The following AGBL5 variants were observed in gnomAD, a reference collection of about 807,000 sequenced individuals.
AGBL5 encodes AGBL carboxypeptidase 5.
AGBL5 carries 51 observed loss-of-function variants against 88.0 expected under a neutral mutation model. The observed-to-expected ratio is 0.58, with a 90% CI of 0.46 to 0.73. AGBL5 has a LOEUF of 0.73. AGBL5 is among the 30% of genes least tolerant of loss of function. The probability of loss-of-function intolerance (pLI) is 0.00; values close to 1 mark genes in which losing one functional copy is unlikely to be tolerated. For synonymous variants in AGBL5, 446 were observed against 438.8 expected, an observed-to-expected ratio of 1.02 and a Z score of -0.21; for missense variants, 1,031 against 1,162.2, an observed-to-expected ratio of 0.89 and a Z score of 1.64.
chr2:27,052,017 C>G (rs1384535205), intron 1 of AGBL5: 1 of 152,608 alleles, frequency 6.6e-6, no homozygotes, highest in African/African-American at 2.4e-5. Context: ...CGTCTCGACC[C>G]CTTCCATGCC....
At position 27,057,376 on chromosome 2, in the gene AGBL5, C is replaced by T. The variant is rs779685578; in HGVS notation, c.1609C>T (p.Arg537Cys). The T allele has an allele frequency of 1.8e-5, 29 of 1,614,004 alleles. No individual in the cohort carries two copies. The highest frequency in any genetic ancestry group is 1.3e-4 in the East Asian group (6 of 44,876). ...SIPAACHDNG[R>C]ASPPPPPAFP... ...CCCTGCTGCCTGCCATGACAATGGG[C>T]GTGCCAGCCCCCCTCCCCCGCCGGC... Residue 537 changes from arginine (R) to cysteine (C), a missense_variant, in exon 9 of 15, where the codon CGT (arginine) becomes TGT (cysteine). This residue lies in a region of AGBL5 where 491 missense variants were observed against 484.0 expected (regional missense o/e 1.01). Transcript: ENST00000360131.
chr2:27,050,766 T>G (rs184685495), upstream of AGBL5, among the ~76,000 whole-genome samples: 5 of 151,982 alleles, frequency 3.3e-5, no homozygotes, highest in African/African-American at 4.8e-5. Flanking sequence ...ATCAGCAGCA[T>G]CTTATCGCAG....
intron 11 of AGBL5, among the ~76,000 whole-genome samples, chr2:27,060,168 A>G (rs531777116): frequency 1.1e-4 from 17 of 152,306 alleles, no homozygotes; most frequent in East Asian, 1.9e-4. Context: ...AAAGAAAGTG[A>G]TATCAGAAGG....
rs1327645099 is a variant in AGBL5 at position 27,053,550 on chromosome 2, A to G, written c.364A>G (p.Ile122Val). Residue 122 changes from isoleucine to valine, a missense_variant, in exon 3 of 15, where the codon ATT (isoleucine) becomes GTT (valine). Physicochemically the swap from Ile to Val is conservative, Grantham distance 29 (BLOSUM62 3). Coordinates refer to ENST00000360131, the MANE Select transcript of AGBL5 (RefSeq NM_021831.6). The surrounding 1 kb of genome is among the most constrained non-coding windows in gnomAD (Gnocchi z 4.9). ...TLPTRPRWER[I>V]RDRPTFEMTE... ...GCCCACCCGGCCACGCTGGGAACGCATTCGAGACCGGCCCACCTTTGAGGT... is the reference window on the plus strand; with the variant it reads ...GCCCACCCGGCCACGCTGGGAACGCGTTCGAGACCGGCCCACCTTTGAGGT... 1 of 1,613,600 alleles carries G rather than the reference A, an allele frequency of 6.2e-7. No homozygotes were observed. Among genetic ancestry groups the G allele is most frequent in the Non-Finnish European group, 8.5e-7 (1 of 1,179,838 alleles).
chr2:27,068,264 G>A (rs1572836560), intron 12 of AGBL5, among the ~76,000 whole-genome samples: 1 of 152,284 alleles, frequency 6.6e-6, no homozygotes, highest in Non-Finnish European at 1.5e-5. Flanking sequence ...TATGATTGCG[G>A]CAGTATAAAC....
In AGBL5 at chr2:27,068,682, G is replaced by A; in HGVS notation, c.2293G>A (p.Val765Ile). The A allele has an allele frequency of 6.2e-7, 1 of 1,614,132 alleles. No individual in the cohort carries two copies. Among genetic ancestry groups the A allele is most frequent in the Non-Finnish European group, 8.5e-7 (1 of 1,180,030 alleles). ...SSGDKPEAVM[V>I]IGKGLLGTGA... is the part of the protein sequence containing the mutation. ...TGGAGACAAACCAGAGGCTGTCATGGTAATCGGGAAAGGTCTGCTAGGGAC... is the reference window on the plus strand; with the variant it reads ...TGGAGACAAACCAGAGGCTGTCATGATAATCGGGAAAGGTCTGCTAGGGAC... Residue 765 changes from valine to isoleucine, a missense_variant, in exon 13 of 15, where the codon GTA (valine) becomes ATA (isoleucine). Physicochemically the swap from Val to Ile is conservative, Grantham distance 29. Coordinates refer to ENST00000360131, the MANE Select transcript of AGBL5 (RefSeq NM_021831.6).
At chr2:27,051,512 G>C (rs1027487179), upstream of AGBL5, 1 of 152,208 alleles carries the variant, frequency 6.6e-6, no homozygotes, top group Non-Finnish European at 1.5e-5. Context: ...AGAACCCTCC[G>C]GCCGCTCCTG....
chr2:27,057,325 A>G lies in AGBL5; in HGVS notation c.1558A>G (p.Asn520Asp), dbSNP rs1668486863. The G allele has an allele frequency of 3.1e-6, 5 of 1,613,700 alleles. No individual in the cohort carries two copies. The highest frequency in any genetic ancestry group is 4.2e-6 in the Non-Finnish European group (5 of 1,179,890). The change falls in exon 9 of 15, where the codon AAC becomes GAC. Residue 520 changes from asparagine (N) to aspartate (D), a missense_variant. Around this residue, in one of 2 missense-constraint regions of AGBL5, gnomAD observed 491 missense variants for 484.0 expected, o/e 1.01. Coordinates refer to ENST00000360131, the MANE Select transcript of AGBL5 (RefSeq NM_021831.6). Reference sequence around the variant, plus strand: ...TAGCTACACACTTGAATGCAACTACAACACTGGACGCTCAGTAAACAGCAT... The same window carrying G: ...TAGCTACACACTTGAATGCAACTACGACACTGGACGCTCAGTAAACAGCAT... Reference protein sequence around the residue: ...IHSYTLECNYNTGRSVNSIPA... With the variant: ...IHSYTLECNYDTGRSVNSIPA...
rs2148268217 is a variant in AGBL5 at position 27,053,221 on chromosome 2, T to A, written c.215+48T>A. 1 of 1,543,476 alleles carries A rather than the reference T, an allele frequency of 6.5e-7. No individual in the cohort carries two copies. Among genetic ancestry groups the A allele is most frequent in the East Asian group, 2.3e-5 (1 of 44,150 alleles). On this transcript the variant is annotated intron_variant, in intron 2 of 14. Transcript: ENST00000360131. The surrounding 1 kb of genome is among the most constrained non-coding windows in gnomAD (Gnocchi z 4.9). The stretch of plus-strand genomic sequence containing the variant: ...TGGAAAAAGGCTCCAAACCCATGCT[T>A]CAGTTAGCCCTCTGACTTATCTGTT...
chr2:27,062,538 C>T (rs1344321367), intron 11 of AGBL5: 2 of 152,136 alleles, frequency 1.3e-5, no homozygotes, highest in Non-Finnish European at 2.9e-5. Context: ...TCTGTTACTT[C>T]CCCCTACCAA....
In AGBL5 at chr2:27,067,475, T is replaced by TA; in HGVS notation, c.2090-19_2090-18insA. 6.2e-7 allele frequency: 1 copy of TA among 1,610,420 alleles called. No individual in the cohort carries two copies. Among genetic ancestry groups the TA allele is most frequent in the Non-Finnish European group, 8.5e-7 (1 of 1,177,536 alleles). On this transcript the variant is annotated intron_variant, in intron 11 of 14. Coordinates refer to ENST00000360131, the MANE Select transcript of AGBL5 (RefSeq NM_021831.6). ...CCCACTTATTTGCCCTTTTATCTGC[T>TA]TGTATCTCTTCCACTCAGAGCCCCG... is the stretch of plus-strand genomic sequence containing the variant.
intron 5 of AGBL5, 123 bp downstream of exon 5, chr2:27,054,930 A>G: frequency 6.7e-7 from 1 of 1,486,594 alleles, no homozygotes; most frequent in South Asian, 1.3e-5. Context: ...GCGTGCGGCA[A>G]GGGTGATGGC....
chr2:27,062,621 A>C (rs779234750), intron 11 of AGBL5: 3 of 152,264 alleles, frequency 2.0e-5, no homozygotes, highest in Non-Finnish European at 4.4e-5. Flanking sequence ...GAAACAGGAC[A>C]GTAAATACAA....
At chr2:27,050,959 G>C (rs1558408057), upstream of AGBL5, 1 of 152,232 alleles carries the variant, frequency 6.6e-6, no homozygotes, top group Non-Finnish European at 1.5e-5. Context: ...CATTCGTACT[G>C]CCGTCAGTCC....
Position 27,055,293 on chromosome 2 carries a change from C to T in AGBL5, c.908+40C>T, listed in dbSNP as rs1320086534. ...CAGCCTGTCTGGACTGTTCCCATTT[C>T]CCCTCATGCCCTGCATCTCAGTGAA... On this transcript the variant is annotated intron_variant, in intron 6 of 14. Coordinates refer to ENST00000360131, the MANE Select transcript of AGBL5 (RefSeq NM_021831.6). 4.4e-6 allele frequency: 7 copies of T among 1,592,952 alleles called. No homozygotes were observed. In the East Asian group the frequency reaches 6.7e-5, roughly 15 times the overall value.
Position 27,055,833 on chromosome 2 carries a change from TC to T in AGBL5, c.1062del (p.Cys355ValfsTer113). 6.2e-7 allele frequency: 1 copy of T among 1,614,094 alleles called. No individual in the cohort carries two copies. Among genetic ancestry groups the T allele is most frequent in the East Asian group, 2.2e-5 (1 of 44,894 alleles). ...SQSSSEHQPS[S>X]CLPPDAPVSD... ...GAGTTCCTCTGAGCACCAGCCCAGT[TC>T]CTGTCTCCCTCCTGATGCTCCTGTT... On this transcript the variant is annotated frameshift_variant, in exon 7 of 15. Coordinates refer to ENST00000360131, the MANE Select transcript of AGBL5 (RefSeq NM_021831.6). LOFTEE classifies it high-confidence loss of function.
Position 27,069,579 on chromosome 2 carries a change from C to G in AGBL5, c.2362C>G (p.Pro788Ala). 1 of 1,613,976 alleles carries G rather than the reference C, an allele frequency of 6.2e-7. No homozygotes were observed. Among genetic ancestry groups the G allele is most frequent in the Non-Finnish European group, 8.5e-7 (1 of 1,179,850 alleles). Reference sequence around the variant, plus strand: ...GCAAACCCTGTCCACACAGGCTAGGCCCAGGTTGGGCCGGGGCTCACCGCC... The same window carrying G: ...GCAAACCCTGTCCACACAGGCTAGGGCCAGGTTGGGCCGGGGCTCACCGCC... ...PCIKTRLQAR[P>A]RLGRGSPPTR... is the part of the protein sequence containing the mutation. The change falls in exon 14 of 15, where the codon CCC (proline) becomes GCC (alanine). Residue 788 changes from proline to alanine, a missense_variant. By Grantham distance (27) the Pro-to-Ala change is conservative. This residue lies in a region of AGBL5 where 491 missense variants were observed against 484.0 expected (regional missense o/e 1.01). Transcript: ENST00000360131.
Position 27,056,781 on chromosome 2 carries a change from G to A in AGBL5, c.1524G>A (p.Gly508=), listed in dbSNP as rs2148279049. ...GTGTTGCAATCTACAAAGCCTCAGG[G>A]ATAATCCACAGGTTGGGTGGAAGCT... is the stretch of plus-strand genomic sequence containing the variant. ...SGRVAIYKAS[G]IIHSYTLECN... Residue 508 remains glycine (G), a synonymous_variant, in exon 8 of 15, where the codon GGG becomes GGA. Coordinates refer to ENST00000360131, the MANE Select transcript of AGBL5 (RefSeq NM_021831.6). 3.1e-6 allele frequency: 5 copies of A among 1,606,678 alleles called. No homozygotes were observed. Among genetic ancestry groups the A allele is most frequent in the Non-Finnish European group, 4.3e-6 (5 of 1,175,576 alleles).
intron 11 of AGBL5, chr2:27,061,206 G>A (rs1558420268): frequency 6.6e-6 from 1 of 150,788 alleles, no homozygotes; most frequent in Non-Finnish European, 1.5e-5. Context: ...TGGGATTACA[G>A]GTGCATGCCA....
Sources: gnomAD v4.1 joint callset for allele counts (sites outside exome capture counted in the v4.1 genomes callset) on GRCh38, gnomAD v4.1.1 for gene constraint, gnomAD v4.1.1 regional missense constraint, Gnocchi (gnomAD v3.1) non-coding constraint, MANE v1.5 for transcripts, NCBI Gene and HGNC (gene_info 2026-07-23, HGNC 2026-07-21) for gene names.